The following ZNF354C variants were observed in gnomAD, a reference collection of about 807,000 sequenced individuals.
The protein encoded by ZNF354C is zinc finger protein 354C.
In ZNF354C, 7 loss-of-function variants were observed where a neutral mutation model predicts 12.4. The ratio of observed to expected loss-of-function variants is 0.56; its 90% CI spans 0.32 to 1.06. ZNF354C has a LOEUF of 1.06. Ranked by LOEUF, ZNF354C falls within the 50% of genes least tolerant of loss-of-function variation. The pLI is 0.04. For missense variants in ZNF354C, 609 were observed against 658.0 expected, an observed-to-expected ratio of 0.93 and a Z score of 0.81; for synonymous variants, 202 against 224.5, an observed-to-expected ratio of 0.90 and a Z score of 0.90.
In ZNF354C at chr5:179,073,585, G is replaced by A. The variant is rs553214523; in HGVS notation, c.28-2860G>A. ...AGAAAAGCTCTATTTTTATCTCTGG[G>A]AATTCTTGGTGGTCTATTTTTTTGA... On this transcript the variant is annotated intron_variant, in intron 2 of 4. Transcript: ENST00000315475. Among the ~76,000 whole-genome samples the A allele has an allele frequency of 4.6e-5, 7 of 152,166 alleles. No homozygotes were observed. The East Asian group carries it at 1.4e-3, about 29-fold the overall frequency.
At chr5:179,061,768 T>TG (rs907693606) in intron 1 of ZNF354C, among the ~76,000 whole-genome samples, 1 of 152,004 alleles carries the variant, frequency 6.6e-6, no homozygotes, top group Non-Finnish European at 1.5e-5. Flanking sequence ...CAGACATCCA[T>TG]GGGGGAGTCA....
Position 179,083,050 on chromosome 5 carries a change from A to AG in ZNF354C, c.*2957dup, listed in dbSNP as rs1204066081. ...TGCACACATTCCACTGGCCCTACGC[A>AG]GGGGTGTGATGTTGTAAGCCATAGT... On this transcript the variant is annotated 3_prime_UTR_variant, in exon 5 of 5. Coordinates refer to ENST00000315475, the MANE Select transcript of ZNF354C (RefSeq NM_014594.3). 9 of 769,448 alleles carry AG rather than the reference A, an allele frequency of 1.2e-5. No individual in the cohort carries two copies. The highest frequency in any genetic ancestry group is 2.0e-5 in the Non-Finnish European group (9 of 457,336). The allele number at this position is 769,448 out of a possible 1,614,324, so 47.7% of individuals were successfully genotyped here.
intron 2 of ZNF354C, among the ~76,000 whole-genome samples, chr5:179,072,285 T>C (rs1391640045): frequency 7.0e-6 from 1 of 142,390 alleles, no homozygotes; most frequent in Non-Finnish European, 1.6e-5. Context: ...ATAAGATACC[T>C]GAAATTGTAA....
intron 2 of ZNF354C, among the ~76,000 whole-genome samples, chr5:179,075,782 G>A (rs1046466416): frequency 1.3e-5 from 2 of 152,202 alleles, no homozygotes; most frequent in Non-Finnish European, 2.9e-5. Context: ...CTATTTAGCG[G>A]CTGCATGACG....
At chr5:179,064,093 T>C (rs28459092) in intron 2 of ZNF354C, among the ~76,000 whole-genome samples, 2,987 of 152,316 alleles carry the variant, frequency 0.02, 104 homozygotes, top group African/African-American at 0.067. Flanking sequence ...TGAGCTCGCC[T>C]ACATCCACAG....
At chr5:179,063,526 C>T (rs1208562772) in intron 2 of ZNF354C, among the ~76,000 whole-genome samples, 1 of 152,248 alleles carries the variant, frequency 6.6e-6, no homozygotes, top group East Asian at 1.9e-4. Context: ...TGCCACTGCA[C>T]TCCAGCCTGG....
chr5:179,079,580 TG>T lies in ZNF354C; in HGVS notation c.1149del (p.Tyr384IlefsTer14). ...EHQRFHTGEQLYTCLECGRTF... is the reference protein window; with the variant it reads ...EHQRFHTGEQXYTCLECGRTF... Reference sequence around the variant, plus strand: ...CAGAGGTTTCATACTGGAGAACAACTGTATACATGCTTGGAATGTGGGAGAA... The same window carrying T: ...CAGAGGTTTCATACTGGAGAACAACTTATACATGCTTGGAATGTGGGAGAA... On this transcript the variant is annotated frameshift_variant, in exon 5 of 5. Coordinates refer to ENST00000315475, the MANE Select transcript of ZNF354C (RefSeq NM_014594.3). LOFTEE classifies it low-confidence loss of function (END_TRUNC). This position sits in a 1 kb window ranked among gnomAD's most constrained non-coding sequence, Gnocchi z 4.2. 6.2e-7 allele frequency: 1 copy of T among 1,614,140 alleles called. No homozygotes were observed.
intron 2 of ZNF354C, 118 bp from the exon 3 acceptor site, chr5:179,076,327 A>C: frequency 6.8e-7 from 1 of 1,462,684 alleles, no homozygotes. Context: ...TTACGTAAAC[A>C]GTTGACGTGA....
Position 179,079,196 on chromosome 5 carries a change from A to C in ZNF354C, c.764A>C (p.His255Pro). ...AATGAGTGTGAAAAAACCTTCAGCCACAGATCATCCCTTCTTTCTCATCAG... is the reference window on the plus strand; with the variant it reads ...AATGAGTGTGAAAAAACCTTCAGCCCCAGATCATCCCTTCTTTCTCATCAG... ...KCNECEKTFS[H>P]RSSLLSHQRI... Residue 255 changes from histidine (H) to proline (P), a missense_variant, in exon 5 of 5, where the codon CAC becomes CCC. Transcript: ENST00000315475. This position sits in a 1 kb window ranked among gnomAD's most constrained non-coding sequence, Gnocchi z 4.2. The C allele has an allele frequency of 6.2e-7, 1 of 1,614,014 alleles. No homozygotes were observed. The highest frequency in any genetic ancestry group is 8.5e-7 in the Non-Finnish European group (1 of 1,180,002).
intron 2 of ZNF354C, among the ~76,000 whole-genome samples, chr5:179,064,823 C>G (rs1311719745): frequency 2.0e-5 from 3 of 152,020 alleles, no homozygotes; most frequent in Non-Finnish European, 4.4e-5. Context: ...ACATTCTGTC[C>G]TCATTAAGGG....
intron 2 of ZNF354C, among the ~76,000 whole-genome samples, chr5:179,075,859 T>C (rs1762112480): frequency 6.6e-6 from 1 of 152,258 alleles, no homozygotes; most frequent in Admixed American, 6.5e-5. Context: ...TAGGTTGTCT[T>C]CAATTGTTCA....
rs1319925663 is a variant in ZNF354C, at chr5:179,079,721, A to G, written c.1289A>G (p.His430Arg). ...AFNQYSSFNEHRKIHTGEKLY... is the reference protein window; with the variant it reads ...AFNQYSSFNERRKIHTGEKLY... ...AACCAGTATTCATCCTTTAATGAAC[A>G]TCGGAAAATTCATACTGGGGAAAAA... The change falls in exon 5 of 5, where the codon CAT becomes CGT. Residue 430 changes from histidine to arginine, a missense_variant. Transcript: ENST00000315475. The surrounding 1 kb of genome is among the most constrained non-coding windows in gnomAD (Gnocchi z 4.2). 4.3e-6 allele frequency: 7 copies of G among 1,614,076 alleles called. No individual in the cohort carries two copies. The highest frequency in any genetic ancestry group is 5.9e-6 in the Non-Finnish European group (7 of 1,180,042).
intron 2 of ZNF354C, among the ~76,000 whole-genome samples, chr5:179,071,640 C>T (rs1001630788): frequency 6.6e-6 from 1 of 152,148 alleles, no homozygotes; most frequent in African/African-American, 2.4e-5. Context: ...CCACAGTCAG[C>T]ACCAACAGAA....
chr5:179,074,056 T>A (rs1433800097), intron 2 of ZNF354C, among the ~76,000 whole-genome samples: 1 of 152,060 alleles, frequency 6.6e-6, no homozygotes, highest in Non-Finnish European at 1.5e-5. Flanking sequence ...TGATCTTGGG[T>A]CACTGCAACC....
chr5:179,062,109 A>C lies in ZNF354C; in HGVS notation c.27+14A>C. On this transcript the variant is annotated intron_variant, in intron 2 of 4. Coordinates refer to ENST00000315475, the MANE Select transcript of ZNF354C (RefSeq NM_014594.3). ...CTGTCTGCTCAGGTGAGAGTGAGTG[A>C]AGGTTGTCTTTTTCATCAGTTGGCT... is the stretch of plus-strand genomic sequence containing the variant. 1 of 1,614,074 alleles carries C rather than the reference A, an allele frequency of 6.2e-7. No homozygotes were observed. Among genetic ancestry groups the C allele is most frequent in the African/African-American group, 1.3e-5 (1 of 75,034 alleles).
intron 2 of ZNF354C, among the ~76,000 whole-genome samples, chr5:179,066,817 A>T (rs59846014): frequency 6.6e-6 from 1 of 152,070 alleles, no homozygotes; most frequent in Non-Finnish European, 1.5e-5. Context: ...TAATATGCCT[A>T]GGTGTAGATA....
At chr5:179,078,634 G>T (rs1265818465) in intron 4 of ZNF354C, 49 bp from the exon 5 acceptor site, 2 of 1,470,838 alleles carry the variant, frequency 1.4e-6, no homozygotes, top group Admixed American at 4.4e-5. Flanking sequence ...CGATACATCA[G>T]TTTGTTTCTT....
rs28613675 is a variant in ZNF354C, at chr5:179,064,872, T to C, written c.27+2777T>C. ...ATTTCTCTCTACTTGTTAGGAAAAC[T>C]GCAAACAAGCATATTTTTTGGAAAA... is the stretch of plus-strand genomic sequence containing the variant. On this transcript the variant is annotated intron_variant, in intron 2 of 4. Coordinates refer to ENST00000315475, the MANE Select transcript of ZNF354C (RefSeq NM_014594.3). Among the ~76,000 whole-genome samples the C allele has an allele frequency of 3.7e-3, 565 of 152,222 alleles. 2 individuals are homozygous for C. The highest frequency in any genetic ancestry group is 6.3e-3 in the Non-Finnish European group (425 of 68,000).
Position 179,082,967 on chromosome 5 carries a change from ATGG to A in ZNF354C, c.*2871_*2873del. ...CAAGGCCATCCTCAACTTCTTTCAT[ATGG>A]AAAAAGAGCTTCTTGCTATCCCCTA... On this transcript the variant is annotated 3_prime_UTR_variant, in exon 5 of 5. Transcript: ENST00000315475. 2.5e-6 allele frequency: 2 copies of A among 814,030 alleles called. No individual in the cohort carries two copies. The highest frequency in any genetic ancestry group is 2.0e-5 in the Admixed American group (1 of 50,256). The allele number at this position is 814,030 out of a possible 1,614,324, so 50.4% of individuals were successfully genotyped here. A position where few individuals can be genotyped will look rare whatever the true frequency, so the allele number is the denominator to read the frequency against.
Sources: allele counts gnomAD v4.1 joint callset (sites outside exome capture counted in the v4.1 genomes callset), GRCh38; gene constraint gnomAD v4.1.1; non-coding constraint Gnocchi (gnomAD v3.1); transcripts MANE v1.5; gene names NCBI Gene and HGNC (gene_info 2026-07-23, HGNC 2026-07-21).